The following PTPRD variants were observed in gnomAD, a reference collection of about 807,000 sequenced individuals.
The protein encoded by PTPRD is protein tyrosine phosphatase receptor type D, also known as receptor-type tyrosine-protein phosphatase delta.
PTPRD carries 34 observed loss-of-function variants against 214.5 expected under a neutral mutation model. That is an observed-to-expected ratio of 0.16 (90% CI 0.12 to 0.21). PTPRD has a LOEUF of 0.21. Among genes scored for constraint, PTPRD ranks in the 10% least tolerant of loss-of-function variants. The pLI is 1.00. For missense variants in PTPRD, 2,545 were observed against 2,398.7 expected (o/e 1.06, Z -1.27); for synonymous variants, 1,128 against 845.7 (o/e 1.33, Z -5.79).
chr9:10,513,201 T>A (rs556816348), intron 2 of PTPRD, among the ~76,000 whole-genome samples: 2 of 152,196 alleles, frequency 1.3e-5, no homozygotes, highest in East Asian at 1.9e-4. Flanking sequence ...TGTGTGTGTG[T>A]GATTTAATGA....
At chr9:8,571,532 T>C (rs1321653093) in intron 14 of PTPRD, among the ~76,000 whole-genome samples, 1 of 152,138 alleles carries the variant, frequency 6.6e-6, no homozygotes, top group Non-Finnish European at 1.5e-5. Flanking sequence ...TTTGCCTAGT[T>C]AAGCAGTCCA....
At chr9:8,414,930 G>GGAGAGAGAGAGAGAGAGA (rs58529453) in intron 35 of PTPRD, among the ~76,000 whole-genome samples, 6 of 49,252 alleles carry the variant, frequency 1.2e-4, no homozygotes, top group Non-Finnish European at 2.2e-4. Flanking sequence ...AGAGGGAGGG[G>GGAGAGAGAGAGAGAGAGA]GAGAGAGAGA....
chr9:10,484,733 T>C (rs917831914), intron 2 of PTPRD, among the ~76,000 whole-genome samples: 1 of 152,056 alleles, frequency 6.6e-6, no homozygotes, highest in South Asian at 2.1e-4. Flanking sequence ...TTTTCCTATA[T>C]AGTTGTTTGA....
intron 7 of PTPRD, among the ~76,000 whole-genome samples, chr9:9,724,383 G>T (rs1188459331): frequency 2.0e-5 from 3 of 152,156 alleles, no homozygotes; most frequent in Non-Finnish European, 4.4e-5. Flanking sequence ...TAAACATAGT[G>T]TTCAAGTTGT....
chr9:9,062,687 A>G (rs1166227819), intron 10 of PTPRD, among the ~76,000 whole-genome samples: 1 of 152,186 alleles, frequency 6.6e-6, no homozygotes, highest in Non-Finnish European at 1.5e-5. Context: ...GTAAATAATT[A>G]TACCAATAGT....
chr9:9,623,801 G>T (rs1353484073), intron 7 of PTPRD, among the ~76,000 whole-genome samples: 1 of 152,166 alleles, frequency 6.6e-6, no homozygotes, highest in Non-Finnish European at 1.5e-5. Flanking sequence ...GTGAAAACAA[G>T]TCAGTGGATT....
intron 8 of PTPRD, among the ~76,000 whole-genome samples, chr9:9,410,498 G>A (rs1220081687): frequency 6.6e-6 from 1 of 152,012 alleles, no homozygotes; most frequent in East Asian, 1.9e-4. Context: ...ATTCCCCATT[G>A]GGAAGAAATC....
At chr9:9,457,748 A>AT (rs2093209917) in intron 8 of PTPRD, among the ~76,000 whole-genome samples, 2 of 150,778 alleles carry the variant, frequency 1.3e-5, no homozygotes, top group African/African-American at 4.9e-5. Context: ...AAGTATCTAT[A>AT]TTTTTAAATG....
intron 2 of PTPRD, among the ~76,000 whole-genome samples, chr9:10,385,071 A>G (rs993100847): frequency 2.6e-5 from 4 of 151,654 alleles, no homozygotes; most frequent in African/African-American, 9.7e-5. Flanking sequence ...TTATTTTTCA[A>G]TTTGGATTAG....
At chr9:9,515,405 G>A (rs1291525636) in intron 8 of PTPRD, among the ~76,000 whole-genome samples, 2 of 152,014 alleles carry the variant, frequency 1.3e-5, no homozygotes, top group South Asian at 2.1e-4. Context: ...CCAATGCAGA[G>A]AATGAGGATA....
intron 9 of PTPRD, among the ~76,000 whole-genome samples, chr9:9,190,605 T>C (rs937905694): frequency 6.6e-6 from 1 of 152,140 alleles, no homozygotes; most frequent in African/African-American, 2.4e-5. Flanking sequence ...AATTTCACCA[T>C]GTGATGACAT....
At chr9:9,355,702 G>T (rs539336962) in intron 9 of PTPRD, among the ~76,000 whole-genome samples, 1 of 151,516 alleles carries the variant, frequency 6.6e-6, no homozygotes, top group Non-Finnish European at 1.5e-5. Context: ...GAAGTCACAG[G>T]TATACAGAAG....
intron 9 of PTPRD, among the ~76,000 whole-genome samples, chr9:9,207,398 CA>C (rs1437861845): frequency 6.6e-6 from 1 of 151,274 alleles, no homozygotes; most frequent in African/African-American, 2.4e-5. Context: ...ATCTAAAATA[CA>C]AAGAGCTTCT....
intron 14 of PTPRD, among the ~76,000 whole-genome samples, chr9:8,620,537 T>G (rs1246753269): frequency 6.6e-6 from 1 of 151,968 alleles, no homozygotes; most frequent in Non-Finnish European, 1.5e-5. Flanking sequence ...ACTGTTCAAA[T>G]GCAATGAGAG....
At chr9:9,048,569 G>T (rs112172555) in intron 10 of PTPRD, among the ~76,000 whole-genome samples, 83 of 152,202 alleles carry the variant, frequency 5.5e-4, no homozygotes, top group African/African-American at 1.7e-3. Flanking sequence ...GACTAACATC[G>T]TATGTTCTCA....
intron 7 of PTPRD, among the ~76,000 whole-genome samples, chr9:9,619,829 T>G (rs970766256): frequency 6.8e-6 from 1 of 147,542 alleles, no homozygotes; most frequent in South Asian, 2.1e-4. Context: ...ATTTAATCTT[T>G]ATATATGTTA....
intron 11 of PTPRD, among the ~76,000 whole-genome samples, chr9:8,859,537 C>A (rs1233557067): frequency 6.6e-6 from 1 of 152,138 alleles, no homozygotes; most frequent in Non-Finnish European, 1.5e-5. Flanking sequence ...TGTGTTCAGG[C>A]CAGCACATAC....
intron 11 of PTPRD, among the ~76,000 whole-genome samples, chr9:8,944,856 A>G (rs1335030469): frequency 6.6e-6 from 1 of 152,054 alleles, no homozygotes; most frequent in Non-Finnish European, 1.5e-5. Flanking sequence ...GACTACAGTC[A>G]GCGATAATTT....
chr9:8,689,020 C>G (rs1432709892), intron 12 of PTPRD, among the ~76,000 whole-genome samples: 1 of 152,146 alleles, frequency 6.6e-6, no homozygotes, highest in Non-Finnish European at 1.5e-5. Flanking sequence ...AAAAGAGGCT[C>G]TTCAAAATTA....
Sources: gnomAD v4.1 joint callset for allele counts (sites outside exome capture counted in the v4.1 genomes callset) on GRCh38, gnomAD v4.1.1 for gene constraint, MANE v1.5 for transcripts, NCBI Gene and HGNC (gene_info 2026-07-23, HGNC 2026-07-21) for gene names.